Variants in ADCY5 observed in about 807,000 individuals in gnomAD.
The protein encoded by ADCY5 is adenylate cyclase 5.
Under a neutral mutation model 119.7 loss-of-function variants are expected in ADCY5, and 30 were observed. That is an observed-to-expected ratio of 0.25 (90% CI 0.19 to 0.34). The LOEUF (loss-of-function observed/expected upper bound fraction) is 0.34, where lower values mean the gene tolerates loss of function less well. Ranked by LOEUF, ADCY5 falls within the 10% of genes least tolerant of loss-of-function variation. The pLI, the probability that ADCY5 is intolerant of heterozygous loss-of-function variation, is 1.00. For missense variants in ADCY5, 1,324 were observed against 1,775.2 expected, an observed-to-expected ratio of 0.75 and a Z score of 4.57; for synonymous variants, 753 against 762.2, an observed-to-expected ratio of 0.99 and a Z score of 0.20.
Position 123,352,572 on chromosome 3 carries a change from T to C in ADCY5, c.1144A>G (p.Asn382Asp). The C allele has an allele frequency of 6.2e-7, 1 of 1,610,248 alleles. No individual in the cohort carries two copies. Among genetic ancestry groups the C allele is most frequent in the Non-Finnish European group, 8.5e-7 (1 of 1,177,470 alleles). ...TTGGTGCAGGAGAAAATGAGAACATTGGAGACAAGCTGCAGAGGGAGAGAG... is the reference window on the plus strand; with the variant it reads ...TTGGTGCAGGAGAAAATGAGAACATCGGAGACAAGCTGCAGAGGGAGAGAG... Reference protein sequence around the residue: ...DQFLLKQLVSNVLIFSCTNIV... With the variant: ...DQFLLKQLVSDVLIFSCTNIV... Residue 382 changes from asparagine (N) to aspartate (D), a missense_variant, in exon 2 of 21, where the codon AAT becomes GAT. Coordinates refer to ENST00000462833, the MANE Select transcript of ADCY5 (RefSeq NM_183357.3). The surrounding 1 kb of genome is among the most constrained non-coding windows in gnomAD (Gnocchi z 4.8).
chr3:123,345,722 T>C (rs1453607789), intron 3 of ADCY5, among the ~76,000 whole-genome samples: 1 of 120,064 alleles, frequency 8.3e-6, no homozygotes, highest in Non-Finnish European at 1.8e-5. Context: ...GGCTCCTCAG[T>C]CACAGAGACA....
intron 1 of ADCY5, among the ~76,000 whole-genome samples, chr3:123,422,814 G>A (rs1041109165): frequency 6.6e-6 from 1 of 152,232 alleles, no homozygotes; most frequent in African/African-American, 2.4e-5. Context: ...AGAATCCAAG[G>A]CCTGTGGCCA....
chr3:123,300,663 T>C (rs540314170), intron 14 of ADCY5, among the ~76,000 whole-genome samples: 144 of 152,298 alleles, frequency 9.5e-4, no homozygotes, highest in African/African-American at 3.2e-3. Context: ...CTCGCTGTGA[T>C]GAACACACGG....
intron 1 of ADCY5, among the ~76,000 whole-genome samples, chr3:123,421,562 A>G (rs1311511206): frequency 2.0e-5 from 3 of 152,110 alleles, no homozygotes; most frequent in African/African-American, 4.8e-5. Context: ...GAGTTCTCAC[A>G]GGGCAATTGC....
At chr3:123,285,321 T>C (rs1357095866) in intron 20 of ADCY5, among the ~76,000 whole-genome samples, 2 of 152,232 alleles carry the variant, frequency 1.3e-5, no homozygotes, top group African/African-American at 4.8e-5. Flanking sequence ...TGGCAGGGCC[T>C]GTGCTTAGGT....
At chr3:123,396,719 A>AAGGG (rs1324897895) in intron 1 of ADCY5, among the ~76,000 whole-genome samples, 84 of 122,684 alleles carry the variant, frequency 6.8e-4, no homozygotes, top group African/African-American at 2.6e-3. Context: ...AGGGAGAGAG[A>AAGGG]AGGGAGGGAG....
intron 10 of ADCY5, 55 bp downstream of exon 10, chr3:123,319,619 C>A: frequency 6.3e-7 from 1 of 1,595,790 alleles, no homozygotes; most frequent in South Asian, 1.1e-5. Context: ...TCTTGCCCTC[C>A]TCCTCCTGGT....
At chr3:123,438,803 G>A (rs1945670158) in intron 1 of ADCY5, among the ~76,000 whole-genome samples, 1 of 152,106 alleles carries the variant, frequency 6.6e-6, no homozygotes, top group Admixed American at 6.6e-5. Context: ...CTGGAGTACA[G>A]TGGCATGATC....
chr3:123,416,467 A>G (rs1945188100), intron 1 of ADCY5: 2 of 786,972 alleles, frequency 2.5e-6, no homozygotes, highest in South Asian at 3.9e-5. Flanking sequence ...AGGAGGCTCT[A>G]AGGCACTGAA....
At position 123,284,221 on chromosome 3, in the gene ADCY5, C is replaced by T. The variant is rs530015326; in HGVS notation, c.*387G>A. 1.7e-5 allele frequency: 3 copies of T among 181,678 alleles called. No individual in the cohort carries two copies. Among genetic ancestry groups the T allele is most frequent in the African/African-American group, 2.4e-5 (1 of 42,422 alleles). The allele number at this position is 181,678 out of a possible 1,614,324, so 11.3% of individuals were successfully genotyped here. On this transcript the variant is annotated 3_prime_UTR_variant, in exon 21 of 21. Coordinates refer to ENST00000462833, the MANE Select transcript of ADCY5 (RefSeq NM_183357.3). ...CCCCTAGGCTCTCCCAGGCCACATT[C>T]GAGCCCGTCTACCCCCAGCTGAGTC...
intron 3 of ADCY5, among the ~76,000 whole-genome samples, chr3:123,335,856 C>A (rs1275482734): frequency 6.6e-6 from 1 of 152,196 alleles, no homozygotes; most frequent in Non-Finnish European, 1.5e-5. Flanking sequence ...AATCCTGGCT[C>A]CTCTGGCCAC....
intron 1 of ADCY5, among the ~76,000 whole-genome samples, chr3:123,359,948 T>A (rs2108523711): frequency 6.6e-6 from 1 of 152,282 alleles, no homozygotes; most frequent in East Asian, 1.9e-4. Context: ...TGGAACCCCA[T>A]TAAGATATAA....
chr3:123,366,894 T>C lies in ADCY5; in HGVS notation c.1135-14313A>G, dbSNP rs187845657. On this transcript the variant is annotated intron_variant, in intron 1 of 20. Coordinates refer to ENST00000462833, the MANE Select transcript of ADCY5 (RefSeq NM_183357.3). ...GGTCTTTGCCACCTGGGACAGTCCA[T>C]GGAGTGGCCACAGCCTGGGCCTCTG... Among the ~76,000 whole-genome samples the C allele has an allele frequency of 2.9e-4, 44 of 152,298 alleles. No homozygotes were observed. In the East Asian group the frequency reaches 6.8e-3, roughly 23 times the overall value.
At chr3:123,380,778 T>A (rs918137150) in intron 1 of ADCY5, among the ~76,000 whole-genome samples, 1 of 152,196 alleles carries the variant, frequency 6.6e-6, no homozygotes, top group Non-Finnish European at 1.5e-5. Context: ...CTGTGCTCAA[T>A]AAACATGTCA....
chr3:123,423,547 G>A (rs1212853237), intron 1 of ADCY5, among the ~76,000 whole-genome samples: 1 of 152,112 alleles, frequency 6.6e-6, no homozygotes, highest in African/African-American at 2.4e-5. Flanking sequence ...TCCTCAAGGG[G>A]CTCTCAGACT....
At chr3:123,426,314 G>GTTTTTTTTTTTGTT (rs10663844) in intron 1 of ADCY5, among the ~76,000 whole-genome samples, 1 of 142,846 alleles carries the variant, frequency 7.0e-6, no homozygotes, top group African/African-American at 2.6e-5. Context: ...TTTTTTGTTT[G>GTTTTTTTTTTTGTT]TTTTTGTTTG....
At chr3:123,321,383 C>T (rs974257112) in intron 8 of ADCY5, among the ~76,000 whole-genome samples, 10 of 152,332 alleles carry the variant, frequency 6.6e-5, no homozygotes, top group African/African-American at 2.4e-4. Context: ...TGCCACAGAT[C>T]TGACTGCTGT....
intron 4 of ADCY5, 100 bp from the exon 5 acceptor site, chr3:123,331,116 C>G (rs1218311506): frequency 2.2e-6 from 3 of 1,393,428 alleles, no homozygotes; most frequent in Non-Finnish European, 2.9e-6. Context: ...CCTGGAATAA[C>G]TTGCCTTTTA....
chr3:123,436,810 G>A lies in ADCY5; in HGVS notation c.1134+10602C>T, dbSNP rs369997026. The stretch of plus-strand genomic sequence containing the variant: ...ACCAATCAGCTGTTGATAAGCACAT[G>A]CTATCAAATGGAAGAGAGAGGCCCA... On this transcript the variant is annotated intron_variant, in intron 1 of 20. Transcript: ENST00000462833. 1.6e-4 allele frequency among the ~76,000 whole-genome samples: 25 copies of A among 152,304 alleles called. No homozygotes were observed. The South Asian group carries it at 1.9e-3, about 11-fold the overall frequency.
Sources: allele counts gnomAD v4.1 joint callset (sites outside exome capture counted in the v4.1 genomes callset), GRCh38; gene constraint gnomAD v4.1.1; non-coding constraint Gnocchi (gnomAD v3.1); transcripts MANE v1.5; gene names NCBI Gene and HGNC (gene_info 2026-07-23, HGNC 2026-07-21).